Variants in WBP1L observed in about 807,000 individuals in gnomAD.
The protein encoded by WBP1L is WW domain binding protein 1-like.
WBP1L carries 17 observed loss-of-function variants against 33.7 expected under a neutral mutation model. That is an observed-to-expected ratio of 0.50 (90% CI 0.34 to 0.76). The LOEUF (loss-of-function observed/expected upper bound fraction) is 0.76, where lower values mean the gene tolerates loss of function less well. Among genes scored for constraint, WBP1L ranks in the 30% least tolerant of loss-of-function variants. The pLI is 0.01. For synonymous variants in WBP1L, 173 were observed against 190.8 expected (o/e 0.91, Z 0.77); for missense variants, 389 against 469.4 (o/e 0.83, Z 1.58).
chr10:102,809,888 C>T lies in WBP1L; in HGVS notation c.194-5C>T. ...CCTCTCTGTCTTGCCTTGCCCACCCCCCAGGGTTCTGGCTGGTGTGGACCA... is the reference window on the plus strand; with the variant it reads ...CCTCTCTGTCTTGCCTTGCCCACCCTCCAGGGTTCTGGCTGGTGTGGACCA... On this transcript the variant is annotated splice_region_variant and splice_polypyrimidine_tract_variant and intron_variant, in intron 2 of 3. Transcript: ENST00000448841. 1 of 1,608,512 alleles carries T rather than the reference C, an allele frequency of 6.2e-7. No homozygotes were observed. Among genetic ancestry groups the T allele is most frequent in the Non-Finnish European group, 8.5e-7 (1 of 1,177,354 alleles).
chr10:102,802,177 TATCA>T (rs1408172581), intron 2 of WBP1L, among the ~76,000 whole-genome samples: 1 of 140,370 alleles, frequency 7.1e-6, no homozygotes, highest in Non-Finnish European at 1.5e-5. Flanking sequence ...GGTTTCACTC[TATCA>T]CCCAGGCTGG....
intron 1 of WBP1L, among the ~76,000 whole-genome samples, chr10:102,772,483 A>C (rs1843202311): frequency 7.2e-6 from 1 of 139,512 alleles, no homozygotes; most frequent in Non-Finnish European, 1.5e-5. Context: ...CTGGTCTGGA[A>C]CTCCTGACCT....
intron 3 of WBP1L, 41 bp downstream of exon 3, chr10:102,810,095 A>C (rs1371643042): frequency 6.4e-7 from 1 of 1,570,828 alleles, no homozygotes; most frequent in Non-Finnish European, 8.6e-7. Context: ...TCAGGAGCTC[A>C]GGTGCACAGA....
chr10:102,778,938 G>A (rs577017805), intron 1 of WBP1L, among the ~76,000 whole-genome samples: 42 of 152,264 alleles, frequency 2.8e-4, no homozygotes, highest in African/African-American at 9.6e-4. Flanking sequence ...GGTGCATGCT[G>A]AGGCTTAGAG....
intron 1 of WBP1L, among the ~76,000 whole-genome samples, chr10:102,768,151 A>AC (rs1843136433): frequency 6.6e-6 from 1 of 150,418 alleles, no homozygotes; most frequent in Non-Finnish European, 1.5e-5. Context: ...GCTCACTGCA[A>AC]CCTCCGCCTC....
chr10:102,764,609 A>G (rs541805199), intron 1 of WBP1L, among the ~76,000 whole-genome samples: 32 of 152,260 alleles, frequency 2.1e-4, no homozygotes, highest in African/African-American at 7.0e-4. Context: ...ACCTTTAGTC[A>G]TCATTTTACT....
At chr10:102,804,982 A>G (rs1251991062) in intron 2 of WBP1L, among the ~76,000 whole-genome samples, 2 of 152,104 alleles carry the variant, frequency 1.3e-5, no homozygotes, top group African/African-American at 4.8e-5. Context: ...AAACAAAACA[A>G]AACAAAAACA....
intron 1 of WBP1L, among the ~76,000 whole-genome samples, chr10:102,795,308 G>A (rs1014046620): frequency 6.6e-6 from 1 of 152,136 alleles, no homozygotes; most frequent in East Asian, 1.9e-4. Context: ...TTTGACTGAC[G>A]ATATTTTCAA....
At chr10:102,811,405 A>G (rs550919885) in intron 3 of WBP1L, among the ~76,000 whole-genome samples, 19 of 152,198 alleles carry the variant, frequency 1.2e-4, no homozygotes, top group Non-Finnish European at 2.2e-4. Context: ...GGCTCCTTAC[A>G]TGTGACCTCT....
intron 1 of WBP1L, among the ~76,000 whole-genome samples, chr10:102,788,174 G>A (rs376204658): frequency 3.6e-4 from 53 of 148,754 alleles, no homozygotes; most frequent in South Asian, 1.5e-3. Context: ...TGTCACCCAG[G>A]CTGGAGTGCA....
chr10:102,768,434 G>A (rs61641667), intron 1 of WBP1L, among the ~76,000 whole-genome samples: 1 of 19,510 alleles, frequency 5.1e-5, no homozygotes, highest in African/African-American at 3.1e-4. Context: ...GCTGGACTGC[G>A]GACTGCAGTG....
At position 102,805,804 on chromosome 10, in the gene WBP1L, G is replaced by A. The variant is rs762001361; in HGVS notation, c.194-4089G>A. ...TCCCAGCTACTCAGGAGGCCAGAGC[G>A]GGAGGATCACCTGAGCCCAGGAGAT... is the stretch of plus-strand genomic sequence containing the variant. On this transcript the variant is annotated intron_variant, in intron 2 of 3. Coordinates refer to ENST00000448841, the MANE Select transcript of WBP1L (RefSeq NM_001083913.2). Among the ~76,000 whole-genome samples, 17 of 151,782 alleles carry A rather than the reference G, an allele frequency of 1.1e-4. 1 individual carries two copies. Among genetic ancestry groups the A allele is most frequent in the Non-Finnish European group, 2.2e-4 (15 of 67,952 alleles).
intron 1 of WBP1L, among the ~76,000 whole-genome samples, chr10:102,782,939 T>C (rs755759016): frequency 1.2e-4 from 18 of 152,172 alleles, no homozygotes; most frequent in Non-Finnish European, 2.6e-4. Flanking sequence ...TTTTCTTGCT[T>C]AACACACAAG....
chr10:102,787,389 C>T (rs1246448636), intron 1 of WBP1L, among the ~76,000 whole-genome samples: 1 of 151,938 alleles, frequency 6.6e-6, no homozygotes, highest in Non-Finnish European at 1.5e-5. Context: ...GAGTTTGAGA[C>T]CAGCCTGAGC....
At position 102,810,025 on chromosome 10, in the gene WBP1L, A is replaced by G; in HGVS notation, c.326A>G (p.His109Arg). 2 of 1,613,496 alleles carry G rather than the reference A, an allele frequency of 1.2e-6. No individual in the cohort carries two copies. The highest frequency in any genetic ancestry group is 1.7e-6 in the Non-Finnish European group (2 of 1,179,870). The change falls in exon 3 of 4, where the codon CAC (histidine) becomes CGC (arginine). Residue 109 changes from histidine to arginine, a missense_variant. Physicochemically the swap from His to Arg is conservative, Grantham distance 29. Transcript: ENST00000448841. ...AACCTGATCGCTTACCGAGAAGCCCACAATTACTCAGCGCTGCCATTTTAT... is the reference window on the plus strand; with the variant it reads ...AACCTGATCGCTTACCGAGAAGCCCGCAATTACTCAGCGCTGCCATTTTAT... ...EINLIAYREA[H>R]NYSALPFYFR...
At chr10:102,766,208 G>A (rs1280711786) in intron 1 of WBP1L, among the ~76,000 whole-genome samples, 4 of 151,980 alleles carry the variant, frequency 2.6e-5, no homozygotes, top group Admixed American at 6.6e-5. Flanking sequence ...TTGGGAGGCC[G>A]AGGCAGGCGG....
chr10:102,761,466 C>A (rs1843040398), intron 1 of WBP1L, among the ~76,000 whole-genome samples: 2 of 150,232 alleles, frequency 1.3e-5, no homozygotes, highest in South Asian at 4.2e-4. Flanking sequence ...TTAATTTTTT[C>A]TTTTTTTGAG....
At chr10:102,810,437 ATCCC>A (rs1181295887) in intron 3 of WBP1L, among the ~76,000 whole-genome samples, 2 of 90,724 alleles carry the variant, frequency 2.2e-5, no homozygotes, top group South Asian at 3.7e-4. Context: ...CTGCCTTTCC[ATCCC>A]TCCCTCCCTC....
rs1843887948 is a variant in WBP1L at position 102,813,883 on chromosome 10, G to A, written c.*552G>A. On this transcript the variant is annotated 3_prime_UTR_variant, in exon 4 of 4. Transcript: ENST00000448841. ...CCTGTGGGAGGATGAGAGCTACTGG[G>A]CCGTTGTATGATAGGTTGGTAGGGG... The A allele has an allele frequency of 6.5e-6, 1 of 154,424 alleles. No homozygotes were observed. Among genetic ancestry groups the A allele is most frequent in the African/African-American group, 2.4e-5 (1 of 41,454 alleles). The allele number at this position is 154,424 out of a possible 1,614,324, so 9.6% of individuals were successfully genotyped here.
Sources: allele counts gnomAD v4.1 joint callset (sites outside exome capture counted in the v4.1 genomes callset), GRCh38; gene constraint gnomAD v4.1.1; transcripts MANE v1.5; gene names NCBI Gene and HGNC (gene_info 2026-07-23, HGNC 2026-07-21).